Variants in NAV1 observed in about 807,000 individuals in gnomAD.
The protein encoded by NAV1 is neuron navigator 1.
A neutral mutation model predicts 175.2 loss-of-function variants in NAV1; 18 were observed. The ratio of observed to expected loss-of-function variants is 0.10; its 90% CI spans 0.07 to 0.15. The LOEUF is 0.15. NAV1 is among the 10% of genes least tolerant of loss of function. The pLI is 1.00. For missense variants in NAV1, 1,731 were observed against 2,436.6 expected, an observed-to-expected ratio of 0.71 and a Z score of 6.10; for synonymous variants, 897 against 978.7, an observed-to-expected ratio of 0.92 and a Z score of 1.56.
chr1:201,725,913 C>T (rs1286668131), intron 3 of NAV1, among the ~76,000 whole-genome samples: 2 of 152,288 alleles, frequency 1.3e-5, no homozygotes, highest in East Asian at 3.9e-4. Flanking sequence ...GCTATGATCA[C>T]ACCCCTGCAC....
intron 8 of NAV1, among the ~76,000 whole-genome samples, 189 bp downstream of exon 12, chr1:201,785,540 T>TA (rs1676677950): frequency 6.6e-6 from 1 of 152,200 alleles, no homozygotes; most frequent in South Asian, 2.1e-4. Flanking sequence ...AGTCAACTTT[T>TA]ACAGCAAGTG....
intron 1 of NAV1, among the ~76,000 whole-genome samples, chr1:201,559,022 G>A (rs1474105882): frequency 6.6e-6 from 1 of 152,052 alleles, no homozygotes; most frequent in African/African-American, 2.4e-5. Flanking sequence ...ATGGGGTATC[G>A]TTTTCTGAGC....
chr1:201,555,948 T>C (rs1054290490), intron 1 of NAV1, among the ~76,000 whole-genome samples: 7 of 151,818 alleles, frequency 4.6e-5, no homozygotes, highest in Admixed American at 3.3e-4. Context: ...GAGAACAGTC[T>C]GTGGAAAAGG....
intron 3 of NAV1, chr1:201,723,836 A>C (rs768460419): frequency 1.1e-4 from 17 of 152,256 alleles, no homozygotes; most frequent in Non-Finnish European, 2.1e-4. Flanking sequence ...GTTTCGCTGT[A>C]ACTTCTACCT....
At chr1:201,770,709 C>G (rs553446105) in intron 3 of NAV1, among the ~76,000 whole-genome samples, 10 of 152,242 alleles carry the variant, frequency 6.6e-5, no homozygotes, top group Middle Eastern at 3.4e-3. Flanking sequence ...GAATTTCCTA[C>G]AAACTTTTGA....
chr1:201,791,266 T>A (rs1259176683), intron 13 of NAV1: 1 of 156,122 alleles, frequency 6.4e-6, no homozygotes, highest in Non-Finnish European at 1.4e-5. Flanking sequence ...CCCATTCTGG[T>A]CTGACTCCTT....
At chr1:201,648,484 C>A (rs2102330001) in exon 1 of NAV1, 1 of 1,234,280 alleles carries the variant, frequency 8.1e-7, no homozygotes, top group African/African-American at 1.6e-5. Flanking sequence ...TTCCCCTGCG[C>A]CCTCGGCTTG....
intron 1 of NAV1, among the ~76,000 whole-genome samples, chr1:201,691,364 GGAA>G (rs1403563184): frequency 4.6e-5 from 7 of 152,048 alleles, no homozygotes; most frequent in Admixed American, 4.6e-4. Flanking sequence ...AAGCCTCCCT[GGAA>G]GAAGTGGTCT....
At position 201,808,548 on chromosome 1, in the gene NAV1, T is replaced by C. The variant is rs1458315086; in HGVS notation, c.3976T>C (p.Leu1326=). The C allele has an allele frequency of 1.9e-6, 3 of 1,614,218 alleles. No homozygotes were observed. Among genetic ancestry groups the C allele is most frequent in the Non-Finnish European group, 2.5e-6 (3 of 1,180,040 alleles). The stretch of plus-strand genomic sequence containing the variant: ...GGAAATGAAGCTTACAGACATCCGC[T>C]TGGAGGCCCTCAACTCTGCCCACCA... The change falls in exon 19 of 30, where the codon TTG becomes CTG. Residue 1326 remains leucine (L), a synonymous_variant. Coordinates refer to ENST00000367296, the Ensembl canonical transcript of NAV1. This position sits in a 1 kb window ranked among gnomAD's most constrained non-coding sequence, Gnocchi z 5.5.
chr1:201,560,301 G>A (rs992248050), intron 1 of NAV1, among the ~76,000 whole-genome samples: 14 of 152,190 alleles, frequency 9.2e-5, no homozygotes, highest in Non-Finnish European at 1.0e-4. Context: ...GATGGCAAGA[G>A]CAAAAGGTCA....
intron 1 of NAV1, 42 bp from the exon 6 acceptor site, chr1:201,712,775 A>G (rs1214988192): frequency 7.2e-7 from 1 of 1,390,652 alleles, no homozygotes; most frequent in Admixed American, 1.7e-5. Flanking sequence ...CCCAGCATTA[A>G]GTTCTCTTCA....
intron 1 of NAV1, among the ~76,000 whole-genome samples, chr1:201,623,936 G>A (rs1668249947): frequency 6.6e-6 from 1 of 152,218 alleles, no homozygotes. Flanking sequence ...GGATGTCGTG[G>A]AAGCTTAAGC....
At chr1:201,654,202 G>T (rs1287676785) in intron 1 of NAV1, among the ~76,000 whole-genome samples, 1 of 152,160 alleles carries the variant, frequency 6.6e-6, no homozygotes, top group Non-Finnish European at 1.5e-5. Context: ...GCCAACCCAG[G>T]GAGATACCCT....
chr1:201,670,780 G>A (rs1670012912), intron 1 of NAV1, among the ~76,000 whole-genome samples: 1 of 151,956 alleles, frequency 6.6e-6, no homozygotes, highest in African/African-American at 2.4e-5. Flanking sequence ...TTTTGGTGTT[G>A]GTGGTAGAGA....
chr1:201,679,613 T>C (rs1670388060), intron 1 of NAV1, among the ~76,000 whole-genome samples: 1 of 152,220 alleles, frequency 6.6e-6, no homozygotes, highest in Admixed American at 6.5e-5. Context: ...TCTTAAGTCC[T>C]CATGATAGGC....
At chr1:201,661,671 A>G (rs1295250947) in intron 1 of NAV1, among the ~76,000 whole-genome samples, 1 of 152,122 alleles carries the variant, frequency 6.6e-6, no homozygotes, top group African/African-American at 2.4e-5. Flanking sequence ...CTGCATGGGA[A>G]AGGACTGGTG....
chr1:201,659,016 G>A (rs950054629), intron 1 of NAV1, among the ~76,000 whole-genome samples: 2 of 152,190 alleles, frequency 1.3e-5, no homozygotes, highest in Non-Finnish European at 2.9e-5. Flanking sequence ...AGGCCCTACT[G>A]TGTGAGGTGC....
At chr1:201,675,463 T>A (rs569698119) in intron 1 of NAV1, among the ~76,000 whole-genome samples, 1 of 152,302 alleles carries the variant, frequency 6.6e-6, no homozygotes, top group Non-Finnish European at 1.5e-5. Context: ...GGTAGAGAGA[T>A]AAAAGTCCCT....
At chr1:201,806,301 T>C (rs949523738) in intron 17 of NAV1, among the ~76,000 whole-genome samples, 5 of 152,180 alleles carry the variant, frequency 3.3e-5, no homozygotes, top group African/African-American at 1.2e-4. Context: ...CTGCATTTTC[T>C]ACATCTGCAC....
Sources: allele counts gnomAD v4.1 joint callset (sites outside exome capture counted in the v4.1 genomes callset), GRCh38; gene constraint gnomAD v4.1.1; non-coding constraint Gnocchi (gnomAD v3.1); transcripts MANE v1.5; gene names NCBI Gene and HGNC (gene_info 2026-07-23, HGNC 2026-07-21).